SLC35F4: variants seen among roughly 807,000 people sequenced by gnomAD.
The protein encoded by SLC35F4 is solute carrier family 35 member F4, also known as chromosome 14 open reading frame 36.
SLC35F4 carries 24 observed loss-of-function variants against 44.2 expected under a neutral mutation model. The observed-to-expected ratio is 0.54, with a 90% CI of 0.39 to 0.76. The LOEUF (loss-of-function observed/expected upper bound fraction) is 0.76, where lower values mean the gene tolerates loss of function less well. SLC35F4 is among the 30% of genes least tolerant of loss of function. The pLI is 0.00. For missense variants in SLC35F4, 562 were observed against 586.1 expected, an observed-to-expected ratio of 0.96 and a Z score of 0.42; for synonymous variants, 238 against 223.6, an observed-to-expected ratio of 1.06 and a Z score of -0.57.
intron 1 of SLC35F4, among the ~76,000 whole-genome samples, chr14:57,981,353 G>T (rs1289885400): frequency 6.6e-6 from 1 of 152,156 alleles, no homozygotes; most frequent in African/African-American, 2.4e-5. Context: ...TCTGCAGCGT[G>T]GGAAATGGGT....
intron 1 of SLC35F4, among the ~76,000 whole-genome samples, chr14:57,895,493 CTT>C (rs1888851924): frequency 6.6e-6 from 1 of 152,032 alleles, no homozygotes; most frequent in Non-Finnish European, 1.5e-5. Context: ...AGATTTCCCC[CTT>C]GCTGTTCCCT....
intron 1 of SLC35F4, among the ~76,000 whole-genome samples, chr14:57,894,871 C>T (rs1265940820): frequency 1.3e-5 from 2 of 152,128 alleles, no homozygotes; most frequent in Non-Finnish European, 2.9e-5. Context: ...GATAGACAAA[C>T]TTACACAGCA....
In SLC35F4 at chr14:57,642,268, GGT is replaced by G. The variant is rs1056185614; in HGVS notation, c.104-48146_104-48145del. 7.9e-5 allele frequency among the ~76,000 whole-genome samples: 12 copies of G among 151,788 alleles called. No individual in the cohort carries two copies. The South Asian group carries it at 1.5e-3, about 18-fold the overall frequency. ...TTTAACTCTTTCCATTGTTGGTGAA[GGT>G]GTTTACATTGAAGACCGAGAGCTAG... On this transcript the variant is annotated intron_variant, in intron 1 of 7. Coordinates refer to ENST00000556826, the MANE Select transcript of SLC35F4 (RefSeq NM_001306087.2).
intron 1 of SLC35F4, among the ~76,000 whole-genome samples, chr14:57,782,767 A>C (rs2077655800): frequency 1.3e-5 from 2 of 152,222 alleles, no homozygotes; most frequent in Admixed American, 1.3e-4. Context: ...CACATTTTGC[A>C]ATGTGTTTAG....
intron 1 of SLC35F4, among the ~76,000 whole-genome samples, chr14:57,721,895 C>A (rs753291600): frequency 3.3e-5 from 5 of 152,116 alleles, no homozygotes; most frequent in African/African-American, 7.2e-5. Flanking sequence ...GATGGCCCCC[C>A]CTGAGGCAGT....
chr14:57,600,552 CGTAGTGGCGGGCGCCT>C (rs1483281037), intron 1 of SLC35F4, among the ~76,000 whole-genome samples: 2 of 147,794 alleles, frequency 1.4e-5, no homozygotes, highest in Admixed American at 1.4e-4. Context: ...ATTAGCCGGG[CGTAGTGGCGGGCGCCT>C]GTAGTCCCAG....
intron 1 of SLC35F4, among the ~76,000 whole-genome samples, chr14:57,767,544 G>C (rs892769774): frequency 2.6e-5 from 4 of 152,024 alleles, no homozygotes; most frequent in African/African-American, 9.7e-5. Context: ...AGTTAAAGCA[G>C]TGTCAAGAGA....
At chr14:57,567,727 C>T (rs968917072) in intron 6 of SLC35F4, among the ~76,000 whole-genome samples, 2 of 152,204 alleles carry the variant, frequency 1.3e-5, no homozygotes, top group African/African-American at 4.8e-5. Flanking sequence ...CAAATTCTGA[C>T]CAATCAGGAA....
intron 1 of SLC35F4, among the ~76,000 whole-genome samples, chr14:57,747,489 G>C (rs756759099): frequency 6.6e-5 from 10 of 152,150 alleles, no homozygotes; most frequent in African/African-American, 9.7e-5. Flanking sequence ...AAAAGGGTAT[G>C]ATGAACCCCC....
chr14:57,793,188 G>A (rs572231196), intron 1 of SLC35F4, among the ~76,000 whole-genome samples: 1 of 151,764 alleles, frequency 6.6e-6, no homozygotes, highest in African/African-American at 2.4e-5. Context: ...ATAGTAAAGG[G>A]GTGAATCTGA....
intron 1 of SLC35F4, among the ~76,000 whole-genome samples, chr14:57,674,414 C>T (rs753302846): frequency 6.6e-6 from 1 of 152,088 alleles, no homozygotes; most frequent in East Asian, 1.9e-4. Context: ...AAGATGTGTA[C>T]AAGAATTTTC....
rs1435347633 is a variant in SLC35F4 at position 57,766,840 on chromosome 14, TG to T, written c.103+98882del. Among the ~76,000 whole-genome samples, 4 of 152,186 alleles carry T rather than the reference TG, an allele frequency of 2.6e-5. No individual in the cohort carries two copies. The East Asian group carries it at 7.7e-4, about 29-fold the overall frequency. On this transcript the variant is annotated intron_variant, in intron 1 of 7. Transcript: ENST00000556826. ...TTAATATATCAATAATTACCTTAAA[TG>T]TAAATAGCCCAAATATACAAATCAA...
rs868671608 is a variant in SLC35F4 at position 57,680,463 on chromosome 14, C to G, written c.104-86339G>C. 3.3e-5 allele frequency among the ~76,000 whole-genome samples: 5 copies of G among 152,156 alleles called. No homozygotes were observed. The South Asian group carries it at 6.2e-4, about 19-fold the overall frequency. ...GAAGCATTCCCTTTGAAAACCGGCA[C>G]AACACAAGGATGCCCTCTCTCACCA... is the stretch of plus-strand genomic sequence containing the variant. On this transcript the variant is annotated intron_variant, in intron 1 of 7. Transcript: ENST00000556826.
At chr14:57,757,726 C>T (rs1330814778) in intron 1 of SLC35F4, among the ~76,000 whole-genome samples, 1 of 152,050 alleles carries the variant, frequency 6.6e-6, no homozygotes, top group South Asian at 2.1e-4. Flanking sequence ...TTGTTATAAA[C>T]CCCAGACTAT....
chr14:57,691,444 G>A (rs1401355044), intron 1 of SLC35F4, among the ~76,000 whole-genome samples: 1 of 152,104 alleles, frequency 6.6e-6, no homozygotes, highest in African/African-American at 2.4e-5. Flanking sequence ...CACATATAAT[G>A]GTGGACGTGC....
At chr14:57,618,717 T>C (rs779040319) in intron 1 of SLC35F4, among the ~76,000 whole-genome samples, 2 of 152,190 alleles carry the variant, frequency 1.3e-5, no homozygotes, top group African/African-American at 2.4e-5. Flanking sequence ...AAAGGGGGCT[T>C]GAAGCCAGGG....
intron 1 of SLC35F4, among the ~76,000 whole-genome samples, chr14:57,962,373 G>A (rs72714728): frequency 0.011 from 1,609 of 152,228 alleles, 36 homozygotes; most frequent in Non-Finnish European, 0.011. Flanking sequence ...AGCTGCTCCC[G>A]GGATCTAAGC....
intron 2 of SLC35F4, among the ~76,000 whole-genome samples, chr14:57,589,788 C>T (rs904353653): frequency 2.6e-5 from 4 of 152,200 alleles, no homozygotes; most frequent in Non-Finnish European, 4.4e-5. Context: ...GTGCCCTTCC[C>T]TTGTAAGAGC....
rs773061167 is a variant in SLC35F4 at position 57,696,218 on chromosome 14, C to T, written c.104-102094G>A. Among the ~76,000 whole-genome samples the T allele has an allele frequency of 3.3e-5, 5 of 152,096 alleles. No individual in the cohort carries two copies. The South Asian group carries it at 8.3e-4, about 25-fold the overall frequency. ...GCTAGTATCCAGAATTTACAAGGAA[C>T]TTAAACAAATTTATAAGAAAAAAAC... On this transcript the variant is annotated intron_variant, in intron 1 of 7. Transcript: ENST00000556826.
Sources: gnomAD v4.1 joint callset for allele counts (sites outside exome capture counted in the v4.1 genomes callset) on GRCh38, gnomAD v4.1.1 for gene constraint, MANE v1.5 for transcripts, NCBI Gene and HGNC (gene_info 2026-07-23, HGNC 2026-07-21) for gene names.